The following LRBA variants were observed in gnomAD, a reference collection of about 807,000 sequenced individuals.
LRBA encodes lipopolysaccharide-responsive and beige-like anchor protein.
In LRBA, 176 loss-of-function variants were observed where a neutral mutation model predicts 330.0. That is an observed-to-expected ratio of 0.53 (90% CI 0.47 to 0.60). The LOEUF (loss-of-function observed/expected upper bound fraction) is 0.60. Among genes scored for constraint, LRBA ranks in the 20% least tolerant of loss-of-function variants. The probability of loss-of-function intolerance (pLI) is 0.00; values close to 1 mark genes in which losing one functional copy is unlikely to be tolerated. For missense variants in LRBA, 3,259 were observed against 3,444.8 expected, an observed-to-expected ratio of 0.95 and a Z score of 1.35; for synonymous variants, 1,230 against 1,193.0, an observed-to-expected ratio of 1.03 and a Z score of -0.64.
intron 17 of LRBA, among the ~76,000 whole-genome samples, chr4:150,876,115 A>G (rs551430545): frequency 3.3e-5 from 5 of 152,340 alleles, no homozygotes; most frequent in Admixed American, 2.6e-4. Context: ...GACTGGACAA[A>G]CCAAAAGAAA....
chr4:150,855,030 G>A (rs2126933346), intron 22 of LRBA, among the ~76,000 whole-genome samples: 2 of 152,282 alleles, frequency 1.3e-5, no homozygotes, highest in East Asian at 3.9e-4. Context: ...GTCCAAGGTG[G>A]GCAGATCACC....
At chr4:150,802,383 T>A (rs991377839) in intron 33 of LRBA, among the ~76,000 whole-genome samples, 3 of 150,542 alleles carry the variant, frequency 2.0e-5, no homozygotes, top group African/African-American at 7.3e-5. Context: ...CACAGCATAG[T>A]AAAGAATAGC....
intron 47 of LRBA, among the ~76,000 whole-genome samples, chr4:150,365,529 C>T (rs1561072442): frequency 6.6e-6 from 1 of 152,042 alleles, no homozygotes; most frequent in Non-Finnish European, 1.5e-5. Flanking sequence ...CGGTGGCTCA[C>T]GCCTGTAATC....
intron 37 of LRBA, among the ~76,000 whole-genome samples, chr4:150,604,950 T>A (rs1774483829): frequency 1.3e-5 from 2 of 152,078 alleles, no homozygotes; most frequent in Non-Finnish European, 1.5e-5. Context: ...TTCCCTGCTG[T>A]AGGAAAAAGT....
intron 35 of LRBA, among the ~76,000 whole-genome samples, chr4:150,742,013 C>T (rs1236588428): frequency 6.6e-6 from 1 of 151,984 alleles, no homozygotes; most frequent in South Asian, 2.1e-4. Flanking sequence ...AACATATCAA[C>T]AGAATGATTC....
intron 37 of LRBA, among the ~76,000 whole-genome samples, chr4:150,661,040 G>GTGAGAAAC (rs1781023243): frequency 9.6e-6 from 1 of 104,484 alleles, no homozygotes; most frequent in Admixed American, 1.2e-4. Context: ...ATCCCCCTCT[G>GTGAGAAAC]TGAGAAACAC....
chr4:150,747,433 A>G (rs1732896780), intron 35 of LRBA, among the ~76,000 whole-genome samples: 1 of 152,184 alleles, frequency 6.6e-6, no homozygotes, highest in Admixed American at 6.5e-5. Context: ...ATCTTTACAC[A>G]ACCAAAGCAT....
intron 2 of LRBA, among the ~76,000 whole-genome samples, chr4:150,963,909 C>T (rs184015286): frequency 0.02 from 2,943 of 147,394 alleles, 447 homozygotes; most frequent in African/African-American, 0.074. Flanking sequence ...GCCTGTGCCC[C>T]GCCGCCCCGT....
rs770971066 is a variant in LRBA at position 150,554,706 on chromosome 4, GA to G, written c.6330+33341del. On this transcript the variant is annotated intron_variant, in intron 40 of 56. Coordinates refer to ENST00000651943, the MANE Select transcript of LRBA (RefSeq NM_001364905.1). The stretch of plus-strand genomic sequence containing the variant: ...AAAGGGCTTTTATAGACTCCTTTCT[GA>G]CCTCATTTCTGCTTACTTTTTCCAA... 3.9e-5 allele frequency among the ~76,000 whole-genome samples: 6 copies of G among 151,902 alleles called. No individual in the cohort carries two copies. The East Asian group carries it at 7.7e-4, about 20-fold the overall frequency.
At chr4:150,312,243 C>A (rs547676503) in intron 51 of LRBA, among the ~76,000 whole-genome samples, 1 of 152,174 alleles carries the variant, frequency 6.6e-6, no homozygotes, top group African/African-American at 2.4e-5. Context: ...ATTGCCAAGT[C>A]CCCCATCCAG....
intron 48 of LRBA, among the ~76,000 whole-genome samples, chr4:150,339,381 GA>G (rs1391372426): frequency 3.3e-5 from 5 of 152,054 alleles, no homozygotes; most frequent in African/African-American, 9.7e-5. Context: ...CCAAAACCCA[GA>G]ACGCAATTAC....
chr4:150,727,390 T>C (rs931293190), intron 36 of LRBA, among the ~76,000 whole-genome samples: 2 of 152,004 alleles, frequency 1.3e-5, no homozygotes, highest in South Asian at 4.2e-4. Flanking sequence ...TTACAGAACA[T>C]TGCATCCAGT....
rs183332553 is a variant in LRBA, at chr4:150,443,796, T to C, written c.6781-6932A>G. The stretch of plus-strand genomic sequence containing the variant: ...CACCAACATGGCACATGTATACATA[T>C]GTAATAAACCTGCATGTTGTGCACA... On this transcript the variant is annotated intron_variant, in intron 44 of 56. Coordinates refer to ENST00000651943, the MANE Select transcript of LRBA (RefSeq NM_001364905.1). Among the ~76,000 whole-genome samples, 1,269 of 148,538 alleles carry C rather than the reference T, an allele frequency of 8.5e-3. 16 individuals are homozygous for C. Among genetic ancestry groups the C allele is most frequent in the African/African-American group, 0.03 (1,208 of 40,298 alleles).
chr4:150,440,324 A>G (rs1362386332), intron 44 of LRBA, among the ~76,000 whole-genome samples: 2 of 152,302 alleles, frequency 1.3e-5, no homozygotes, highest in East Asian at 3.9e-4. Context: ...AAACACTACA[A>G]AAAGCTAACA....
At chr4:150,691,447 G>A (rs556624640) in intron 36 of LRBA, among the ~76,000 whole-genome samples, 1 of 152,264 alleles carries the variant, frequency 6.6e-6, no homozygotes, top group South Asian at 2.1e-4. Context: ...TAAAGCACAT[G>A]AGAAGATGCT....
chr4:150,779,244 T>C (rs570819863), intron 34 of LRBA, among the ~76,000 whole-genome samples: 1 of 152,238 alleles, frequency 6.6e-6, no homozygotes, highest in African/African-American at 2.4e-5. Flanking sequence ...TTTTCTAATA[T>C]TTAGCTTAGG....
At chr4:150,631,858 C>T (rs949529701) in intron 37 of LRBA, among the ~76,000 whole-genome samples, 1 of 152,110 alleles carries the variant, frequency 6.6e-6, no homozygotes, top group Non-Finnish European at 1.5e-5. Flanking sequence ...ATGGAAAAAT[C>T]AAAAAGGTTC....
At chr4:150,965,284 T>C (rs940888425) in intron 2 of LRBA, among the ~76,000 whole-genome samples, 29 of 152,326 alleles carry the variant, frequency 1.9e-4, no homozygotes, top group African/African-American at 6.7e-4. Flanking sequence ...AGAATACTTA[T>C]ATAGCTCTTT....
chr4:150,855,009 G>A (rs1364136836), intron 22 of LRBA, among the ~76,000 whole-genome samples: 4 of 152,182 alleles, frequency 2.6e-5, no homozygotes, highest in African/African-American at 9.7e-5. Flanking sequence ...TGTAATCCCA[G>A]CACTTTAGGA....
Sources: allele counts gnomAD v4.1 joint callset (sites outside exome capture counted in the v4.1 genomes callset), GRCh38; gene constraint gnomAD v4.1.1; transcripts MANE v1.5; gene names NCBI Gene and HGNC (gene_info 2026-07-23, HGNC 2026-07-21).